CLVS1: variants seen among roughly 807,000 people sequenced by gnomAD.
CLVS1 encodes the protein clavesin-1.
A neutral mutation model predicts 33.1 loss-of-function variants in CLVS1; 10 were observed. The ratio of observed to expected loss-of-function variants is 0.30; its 90% CI spans 0.19 to 0.51. The LOEUF (loss-of-function observed/expected upper bound fraction) is 0.51, where lower values mean the gene tolerates loss of function less well. Among genes scored for constraint, CLVS1 ranks in the 20% least tolerant of loss-of-function variants. The pLI is 0.97. For missense variants in CLVS1, 343 were observed against 433.4 expected, an observed-to-expected ratio of 0.79 and a Z score of 1.85; for synonymous variants, 163 against 166.1, an observed-to-expected ratio of 0.98 and a Z score of 0.14.
At chr8:61,221,368 A>C (rs531600924) in intron 2 of CLVS1, among the ~76,000 whole-genome samples, 1 of 152,304 alleles carries the variant, frequency 6.6e-6, no homozygotes, top group Admixed American at 6.5e-5. Context: ...ATCAATACCT[A>C]GTCCATTGAG....
At chr8:61,152,440 T>C (rs1326229489) in intron 2 of CLVS1, among the ~76,000 whole-genome samples, 1 of 152,218 alleles carries the variant, frequency 6.6e-6, no homozygotes, top group Admixed American at 6.5e-5. Context: ...CTCATAGTTC[T>C]GGAGGCTGGA....
chr8:61,405,703 CTTT>C (rs775749517), intron 3 of CLVS1, among the ~76,000 whole-genome samples: 8 of 124,764 alleles, frequency 6.4e-5, no homozygotes, highest in Admixed American at 8.1e-5. Context: ...GTGGAACTGA[CTTT>C]TTTTTTTTTT....
intron 2 of CLVS1, among the ~76,000 whole-genome samples, chr8:61,337,287 A>G (rs1811841800): frequency 6.6e-6 from 1 of 152,198 alleles, no homozygotes; most frequent in African/African-American, 2.4e-5. Flanking sequence ...GAGTTATGAA[A>G]TAATTTCCCT....
the CLVS1 span, among the ~76,000 whole-genome samples, chr8:61,027,507 T>C: frequency 9.9e-5 from 15 of 152,090 alleles, no homozygotes; most frequent in African/African-American, 2.9e-4. Flanking sequence ...TCATCTTTGC[T>C]TGGGGTTCAT....
chr8:61,355,999 A>G (rs1812687797), intron 2 of CLVS1, among the ~76,000 whole-genome samples: 1 of 152,220 alleles, frequency 6.6e-6, no homozygotes, highest in Admixed American at 6.5e-5. Flanking sequence ...ACTGACTTCC[A>G]CAATGATTGA....
At chr8:61,132,267 G>A (rs1162683674) in intron 2 of CLVS1, among the ~76,000 whole-genome samples, 1 of 152,248 alleles carries the variant, frequency 6.6e-6, no homozygotes, top group African/African-American at 2.4e-5. Flanking sequence ...CCCACAGGCT[G>A]AGCCGGGATC....
At chr8:61,150,029 G>GA (rs1409137064) in intron 2 of CLVS1, among the ~76,000 whole-genome samples, 1 of 151,796 alleles carries the variant, frequency 6.6e-6, no homozygotes, top group Non-Finnish European at 1.5e-5. Flanking sequence ...TCACAAGGCT[G>GA]AAAATCCCAC....
At position 61,265,457 on chromosome 8, in the gene CLVS1, A is replaced by G. The variant is rs78745208; in HGVS notation, c.-151-34220A>G. 2.8e-3 allele frequency among the ~76,000 whole-genome samples: 430 copies of G among 152,326 alleles called. 2 individuals carry two copies. Among genetic ancestry groups the G allele is most frequent in the African/African-American group, 9.7e-3 (404 of 41,574 alleles). On this transcript the variant is annotated intron_variant, in intron 2 of 2. Coordinates refer to the CLVS1 transcript ENST00000522621. ...TCTGTAAAGTGAGGATAATAATACT[A>G]CCTATTTCTTTGAAATTTTGTGAAG... is the stretch of plus-strand genomic sequence containing the variant.
chr8:61,403,551 G>T (rs186587352), intron 3 of CLVS1, among the ~76,000 whole-genome samples: 1 of 152,062 alleles, frequency 6.6e-6, no homozygotes, highest in Admixed American at 6.6e-5. Flanking sequence ...AACAAATTCC[G>T]GATATATTTA....
chr8:61,042,959 T>C, the CLVS1 span, among the ~76,000 whole-genome samples: 8 of 152,322 alleles, frequency 5.3e-5, no homozygotes, highest in East Asian at 1.5e-3. Flanking sequence ...TATGGGTGTT[T>C]ACTTGGGTAA....
At chr8:61,090,162 A>C (rs1324630055) in intron 1 of CLVS1, among the ~76,000 whole-genome samples, 1 of 152,230 alleles carries the variant, frequency 6.6e-6, no homozygotes, top group Non-Finnish European at 1.5e-5. Flanking sequence ...CACAGTTGAA[A>C]GATCTTTCAG....
At chr8:61,135,525 G>A (rs138512194) in intron 2 of CLVS1, among the ~76,000 whole-genome samples, 28 of 152,296 alleles carry the variant, frequency 1.8e-4, no homozygotes, top group Admixed American at 2.0e-4. Context: ...GGTTTGATGA[G>A]GGAGTAAGGG....
At chr8:61,283,689 A>G (rs1043962328), upstream of CLVS1, among the ~76,000 whole-genome samples, 2 of 152,210 alleles carry the variant, frequency 1.3e-5, no homozygotes, top group Non-Finnish European at 2.9e-5. Context: ...CTGCCAACAA[A>G]GCATTGAACC....
At chr8:61,452,052 A>G (rs1460087638) in intron 3 of CLVS1, among the ~76,000 whole-genome samples, 2 of 152,244 alleles carry the variant, frequency 1.3e-5, no homozygotes, top group Non-Finnish European at 2.9e-5. Flanking sequence ...GACTTGAGTC[A>G]GATCAATGAA....
At chr8:61,261,542 T>G (rs539636975) in intron 2 of CLVS1, among the ~76,000 whole-genome samples, 1 of 152,106 alleles carries the variant, frequency 6.6e-6, no homozygotes, top group Non-Finnish European at 1.5e-5. Flanking sequence ...CCCACATTTA[T>G]AGGTTGAAGT....
chr8:61,033,110 A>AAAG, the CLVS1 span, among the ~76,000 whole-genome samples: 12 of 89,914 alleles, frequency 1.3e-4, 1 homozygote, highest in Non-Finnish European at 2.1e-4. Context: ...ATAGAAAGAA[A>AAAG]GAAGGAAGGA....
intron 2 of CLVS1, among the ~76,000 whole-genome samples, chr8:61,223,608 A>G (rs1174626164): frequency 6.6e-6 from 1 of 152,058 alleles, no homozygotes; most frequent in Non-Finnish European, 1.5e-5. Flanking sequence ...GCTGCTCTTA[A>G]CATTTTTTCC....
Position 61,409,889 on chromosome 8 carries a change from AT to A in CLVS1, c.630+33116del, listed in dbSNP as rs1733327430. On this transcript the variant is annotated intron_variant, in intron 3 of 5. Coordinates refer to ENST00000325897, the MANE Select transcript of CLVS1 (RefSeq NM_173519.3). ...TCTCTAATTATGATTGAGATGGATC[AT>A]TTTTTCATGTTTAAGTGGAATTTGT... 2.6e-5 allele frequency among the ~76,000 whole-genome samples: 4 copies of A among 151,968 alleles called. No individual in the cohort carries two copies. In the South Asian group the frequency reaches 8.3e-4, roughly 32 times the overall value.
At chr8:61,053,760 C>T (rs970221552), upstream of CLVS1, among the ~76,000 whole-genome samples, 3 of 152,224 alleles carry the variant, frequency 2.0e-5, no homozygotes, top group African/African-American at 7.2e-5. Flanking sequence ...TTAGGGTTCT[C>T]TTTGAACATT....
Sources: allele counts gnomAD v4.1 joint callset (sites outside exome capture counted in the v4.1 genomes callset), GRCh38; gene constraint gnomAD v4.1.1; transcripts MANE v1.5; gene names NCBI Gene and HGNC (gene_info 2026-07-23, HGNC 2026-07-21).